Variants in FER observed in about 807,000 individuals in gnomAD.
FER encodes the protein tyrosine-protein kinase Fer.
A neutral mutation model predicts 111.0 loss-of-function variants in FER; 63 were observed. The ratio of observed to expected loss-of-function variants is 0.57; its 90% confidence interval spans 0.46 to 0.70. The LOEUF is 0.70. Among genes scored for constraint, FER ranks in the 30% least tolerant of loss-of-function variants. The pLI is 0.00. For synonymous variants in FER, 327 were observed against 313.9 expected (o/e 1.04, Z -0.44); for missense variants, 914 against 954.0 (o/e 0.96, Z 0.55).
At chr5:108,864,612 G>A (rs536472874) in intron 5 of FER, among the ~76,000 whole-genome samples, 4 of 152,246 alleles carry the variant, frequency 2.6e-5, no homozygotes, top group South Asian at 4.1e-4. Context: ...TATTAAATAG[G>A]GAATCCTTTC....
At chr5:109,022,054 C>T (rs569151039) in intron 13 of FER, among the ~76,000 whole-genome samples, 50 of 152,192 alleles carry the variant, frequency 3.3e-4, no homozygotes, top group African/African-American at 1.0e-3. Flanking sequence ...TTCTCTGGCT[C>T]CATTTTGGCA....
intron 16 of FER, among the ~76,000 whole-genome samples, chr5:109,075,232 T>TA (rs1357185747): frequency 1.3e-5 from 2 of 152,134 alleles, no homozygotes; most frequent in Admixed American, 1.3e-4. Context: ...AAAATTAATG[T>TA]AAAAAAATGT....
intron 13 of FER, among the ~76,000 whole-genome samples, chr5:109,006,832 A>G (rs1404582443): frequency 6.6e-6 from 1 of 152,136 alleles, no homozygotes; most frequent in African/African-American, 2.4e-5. Context: ...GTGGGGGGAA[A>G]AAAAATCTTA....
chr5:108,855,682 G>A (rs35137434), intron 5 of FER, among the ~76,000 whole-genome samples: 8,671 of 152,130 alleles, frequency 0.057, 347 homozygotes, highest in Non-Finnish European at 0.082. Flanking sequence ...TGGGAAGATA[G>A]GTTTCAAGGA....
chr5:109,059,585 G>C (rs987840918), intron 16 of FER, among the ~76,000 whole-genome samples: 6 of 152,076 alleles, frequency 3.9e-5, no homozygotes, highest in Non-Finnish European at 7.4e-5. Flanking sequence ...TTATTTCTTT[G>C]CTTAGTTCCT....
At chr5:109,061,016 T>G (rs1581854746) in intron 16 of FER, among the ~76,000 whole-genome samples, 1 of 152,184 alleles carries the variant, frequency 6.6e-6, no homozygotes, top group Non-Finnish European at 1.5e-5. Context: ...CTGATACTTG[T>G]GTAGTCAAGA....
intron 13 of FER, among the ~76,000 whole-genome samples, chr5:109,000,313 A>T (rs1483485374): frequency 6.6e-6 from 1 of 151,462 alleles, no homozygotes; most frequent in East Asian, 1.9e-4. Flanking sequence ...TATTTAATAT[A>T]TAGAGTACAT....
At chr5:109,135,369 A>G (rs1441193454) in intron 17 of FER, among the ~76,000 whole-genome samples, 5 of 152,238 alleles carry the variant, frequency 3.3e-5, no homozygotes, top group African/African-American at 7.2e-5. Flanking sequence ...TCCAGATCAT[A>G]TAAGTGACTT....
At chr5:108,822,709 A>ATTTAT (rs570033160) in intron 3 of FER, among the ~76,000 whole-genome samples, 35,563 of 119,214 alleles carry the variant, frequency 0.3, 6,789 homozygotes, top group Non-Finnish European at 0.39. Context: ...ATTTTATTTT[A>ATTTAT]TTTATTTTAT....
Position 108,984,065 on chromosome 5 carries a change from G to A in FER, c.1656+24718G>A, listed in dbSNP as rs368361809. 3.3e-5 allele frequency among the ~76,000 whole-genome samples: 5 copies of A among 152,080 alleles called. No individual in the cohort carries two copies. The East Asian group carries it at 9.7e-4, about 29-fold the overall frequency. Reference sequence around the variant, plus strand: ...CTACTCTTCTTGAAATGTATACTCTGGGGACTCATTTAATTTTTCAAAAAT... The same window carrying A: ...CTACTCTTCTTGAAATGTATACTCTAGGGACTCATTTAATTTTTCAAAAAT... On this transcript the variant is annotated intron_variant, in intron 13 of 19. Coordinates refer to ENST00000281092, the MANE Select transcript of FER (RefSeq NM_005246.4).
intron 11 of FER, among the ~76,000 whole-genome samples, chr5:108,952,015 A>G (rs1186745152): frequency 6.6e-6 from 1 of 152,102 alleles, no homozygotes; most frequent in African/African-American, 2.4e-5. Flanking sequence ...ATTCCAGCAT[A>G]TTTTTGCTGG....
chr5:109,128,327 T>C (rs562861659), intron 17 of FER, among the ~76,000 whole-genome samples: 18 of 152,240 alleles, frequency 1.2e-4, no homozygotes, highest in African/African-American at 4.1e-4. Flanking sequence ...AGTGTAATAA[T>C]GAGTTTTGGC....
intron 13 of FER, among the ~76,000 whole-genome samples, chr5:108,967,641 C>T (rs985346968): frequency 2.0e-5 from 3 of 151,410 alleles, no homozygotes; most frequent in Admixed American, 6.6e-5. Context: ...GCACCTGTAA[C>T]CCCAGCTACC....
intron 5 of FER, among the ~76,000 whole-genome samples, chr5:108,854,654 G>A (rs1369472312): frequency 6.6e-6 from 1 of 152,154 alleles, no homozygotes; most frequent in Non-Finnish European, 1.5e-5. Flanking sequence ...AAGTAGAGCG[G>A]GCTGGACGTG....
chr5:108,791,024 C>T (rs1266008632), intron 2 of FER, among the ~76,000 whole-genome samples: 2 of 152,132 alleles, frequency 1.3e-5, no homozygotes, highest in African/African-American at 2.4e-5. Context: ...GATGTTGTCC[C>T]ATTTTATTTA....
intron 17 of FER, among the ~76,000 whole-genome samples, chr5:109,160,391 A>T (rs1479122568): frequency 6.6e-6 from 1 of 152,182 alleles, no homozygotes; most frequent in Non-Finnish European, 1.5e-5. Context: ...TTTCTCTATT[A>T]GTATATCAAT....
intron 17 of FER, among the ~76,000 whole-genome samples, chr5:109,136,332 G>T (rs72796588): frequency 0.012 from 1,874 of 151,896 alleles, 28 homozygotes; most frequent in Non-Finnish European, 0.018. Context: ...AATAAAAAAA[G>T]GATTGAACAG....
At chr5:108,838,461 C>A (rs1338107829) in intron 5 of FER, among the ~76,000 whole-genome samples, 1 of 152,062 alleles carries the variant, frequency 6.6e-6, no homozygotes, top group Non-Finnish European at 1.5e-5. Flanking sequence ...GGAAATAATT[C>A]CTATAGTAAG....
chr5:108,843,985 G>C (rs941712182), intron 5 of FER, among the ~76,000 whole-genome samples: 5 of 136,352 alleles, frequency 3.7e-5, no homozygotes, highest in Non-Finnish European at 6.6e-5. Flanking sequence ...TGCTGTCTCT[G>C]TTTCGCCTCT....
Sources: gnomAD v4.1 joint callset for allele counts (sites outside exome capture counted in the v4.1 genomes callset) on GRCh38, gnomAD v4.1.1 for gene constraint, MANE v1.5 for transcripts, NCBI Gene and HGNC (gene_info 2026-07-23, HGNC 2026-07-21) for gene names.